The following FAM114A1 variants were observed in gnomAD, a reference collection of about 807,000 sequenced individuals.
FAM114A1 encodes family with sequence similarity 114 member A1.
A neutral mutation model predicts 64.3 loss-of-function variants in FAM114A1; 62 were observed. The observed-to-expected ratio is 0.96, with a 90% confidence interval of 0.79 to 1.19. FAM114A1 has a LOEUF of 1.19. Among genes scored for constraint, FAM114A1 ranks in the 50% most tolerant of loss-of-function variants. FAM114A1 has a pLI of 0.00. For synonymous variants in FAM114A1, 254 were observed against 251.1 expected (o/e 1.01, Z -0.11); for missense variants, 645 against 676.3 (o/e 0.95, Z 0.51).
intron 9 of FAM114A1, 152 bp downstream of exon 9, chr4:38,923,045 C>T (rs952324136): frequency 2.1e-6 from 2 of 943,278 alleles, no homozygotes; most frequent in Admixed American, 3.2e-5. Flanking sequence ...GTTACAGGAG[C>T]TGGTCACATT....
chr4:38,914,826 C>T (rs1718879625), intron 7 of FAM114A1, 95 bp from the exon 8 acceptor site: 3 of 1,389,526 alleles, frequency 2.2e-6, no homozygotes, highest in African/African-American at 1.4e-5. Flanking sequence ...CCCTCTCCAA[C>T]ACAAAATCAG....
intron 13 of FAM114A1, among the ~76,000 whole-genome samples, chr4:38,936,701 C>T (rs111777634): frequency 0.035 from 5,332 of 152,048 alleles, 309 homozygotes; most frequent in African/African-American, 0.12. Context: ...TACAGGCACA[C>T]GCCACCACGC....
At chr4:38,933,931 T>A (rs1346216786) in intron 12 of FAM114A1, among the ~76,000 whole-genome samples, 1 of 152,208 alleles carries the variant, frequency 6.6e-6, no homozygotes, top group East Asian at 1.9e-4. Context: ...AGCATTAGTG[T>A]CTTTGTACTG....
chr4:38,891,537 A>G (rs955697095), intron 3 of FAM114A1, among the ~76,000 whole-genome samples: 3 of 152,188 alleles, frequency 2.0e-5, no homozygotes, highest in African/African-American at 4.8e-5. Flanking sequence ...TCAGAAGCCA[A>G]CATCAGCACT....
chr4:38,882,460 T>C (rs925099150), intron 3 of FAM114A1, among the ~76,000 whole-genome samples: 2 of 151,508 alleles, frequency 1.3e-5, no homozygotes, highest in Non-Finnish European at 2.9e-5. Flanking sequence ...AGAAACCCCG[T>C]CTCTGCTAAA....
At chr4:38,939,170 A>G (rs1321332849) in intron 13 of FAM114A1, among the ~76,000 whole-genome samples, 1 of 152,174 alleles carries the variant, frequency 6.6e-6, no homozygotes, top group Non-Finnish European at 1.5e-5. Flanking sequence ...TTGAACTTTC[A>G]TATATATTTA....
intron 3 of FAM114A1, among the ~76,000 whole-genome samples, chr4:38,883,821 A>T (rs1715537428): frequency 6.6e-6 from 1 of 152,154 alleles, no homozygotes; most frequent in African/African-American, 2.4e-5. Flanking sequence ...TACGTTCCTT[A>T]TTCTGTGTTC....
At chr4:38,888,509 G>A (rs1425139583) in intron 3 of FAM114A1, among the ~76,000 whole-genome samples, 3 of 152,268 alleles carry the variant, frequency 2.0e-5, no homozygotes, top group African/African-American at 7.2e-5. Context: ...GCAACAGAGC[G>A]AGACTCTGTC....
At chr4:38,883,204 G>A (rs748053170) in intron 3 of FAM114A1, among the ~76,000 whole-genome samples, 1 of 152,066 alleles carries the variant, frequency 6.6e-6, no homozygotes, top group Non-Finnish European at 1.5e-5. Flanking sequence ...CAGTCTAGTT[G>A]GGGGAAACAT....
Position 38,943,490 on chromosome 4 carries a change from T to G in FAM114A1, c.1625T>G (p.Phe542Cys), listed in dbSNP as rs755374252. The part of the protein sequence containing the change: ...CNSTTYIQDA[F>C]QLLLPVLQVS... ...AGTACAACGTACATACAGGATGCCT[T>G]CCAGCTGCTGCTGCCTGTTCTGCAG... is the stretch of plus-strand genomic sequence containing the variant. Residue 542 changes from phenylalanine to cysteine, a missense_variant, in exon 15 of 15, where the codon TTC becomes TGC. Coordinates refer to ENST00000358869, the MANE Select transcript of FAM114A1 (RefSeq NM_138389.4). 1 of 1,614,014 alleles carries G rather than the reference T, an allele frequency of 6.2e-7. No homozygotes were observed. Among genetic ancestry groups the G allele is most frequent in the Non-Finnish European group, 8.5e-7 (1 of 1,180,014 alleles).
chr4:38,883,814 G>A (rs552517610), intron 3 of FAM114A1, among the ~76,000 whole-genome samples: 65 of 152,240 alleles, frequency 4.3e-4, no homozygotes, highest in Non-Finnish European at 6.9e-4. Flanking sequence ...TACTGCCTAC[G>A]TTCCTTATTC....
chr4:38,876,006 C>T (rs1714574844), intron 2 of FAM114A1, among the ~76,000 whole-genome samples: 1 of 152,134 alleles, frequency 6.6e-6, no homozygotes, highest in African/African-American at 2.4e-5. Flanking sequence ...TTATCCTTGA[C>T]TAAACCATGG....
chr4:38,942,831 C>T (rs1721674530), intron 14 of FAM114A1, among the ~76,000 whole-genome samples: 1 of 152,066 alleles, frequency 6.6e-6, no homozygotes, highest in African/African-American at 2.4e-5. Context: ...TATTTCAGGG[C>T]AGTAGGGTTG....
At chr4:38,932,498 T>C in intron 12 of FAM114A1, 124 bp downstream of exon 12, 1 of 1,081,434 alleles carries the variant, frequency 9.2e-7, no homozygotes, top group Non-Finnish European at 1.3e-6. Flanking sequence ...TTGTTTGTTT[T>C]TGTTTTTTGT....
At chr4:38,917,301 G>T (rs1209846081) in intron 8 of FAM114A1, among the ~76,000 whole-genome samples, 1 of 151,976 alleles carries the variant, frequency 6.6e-6, no homozygotes, top group Non-Finnish European at 1.5e-5. Flanking sequence ...TCGTGCCACT[G>T]CGTTCTGGCC....
At chr4:38,869,539 T>G (rs1211985841) in intron 2 of FAM114A1, among the ~76,000 whole-genome samples, 1 of 152,102 alleles carries the variant, frequency 6.6e-6, no homozygotes, top group East Asian at 1.9e-4. Context: ...ACCTAATGGT[T>G]TTTGAACAGG....
At chr4:38,883,729 C>T (rs994926428) in intron 3 of FAM114A1, among the ~76,000 whole-genome samples, 2 of 152,176 alleles carry the variant, frequency 1.3e-5, no homozygotes, top group Non-Finnish European at 2.9e-5. Context: ...CCTCCTAAAC[C>T]GGATGAGCAG....
chr4:38,876,476 A>G (rs991269777), intron 2 of FAM114A1, among the ~76,000 whole-genome samples: 24 of 152,114 alleles, frequency 1.6e-4, no homozygotes, highest in African/African-American at 5.6e-4. Context: ...CTGCCTTCCT[A>G]TGCTTATTCT....
At chr4:38,879,874 G>T (rs747402368) in intron 3 of FAM114A1, among the ~76,000 whole-genome samples, 5 of 151,958 alleles carry the variant, frequency 3.3e-5, no homozygotes, top group Non-Finnish European at 7.4e-5. Context: ...ATGTATTGAA[G>T]CCTGGGCAAT....
Sources: allele counts gnomAD v4.1 joint callset (sites outside exome capture counted in the v4.1 genomes callset), GRCh38; gene constraint gnomAD v4.1.1; transcripts MANE v1.5; gene names NCBI Gene and HGNC (gene_info 2026-07-23, HGNC 2026-07-21).